The following TENM1 variants were observed in gnomAD, a reference collection of about 807,000 sequenced individuals.
The protein encoded by TENM1 is teneurin transmembrane protein 1, also known as teneurin-1.
In TENM1, 35 loss-of-function variants were observed where a neutral mutation model predicts 174.8. The ratio of observed to expected loss-of-function variants is 0.20; its 90% confidence interval spans 0.15 to 0.27. The LOEUF is 0.27. Among genes scored for constraint, TENM1 ranks in the 10% least tolerant of loss-of-function variants. The pLI is 1.00. For synonymous variants in TENM1, 781 were observed against 798.7 expected (o/e 0.98, Z 0.37); for missense variants, 1,633 against 2,130.1 (o/e 0.77, Z 4.59).
At chrX:125,178,891 G>A in the TENM1 span, among the ~76,000 whole-genome samples, 1 of 109,579 alleles carries the variant, frequency 9.1e-6, no homozygotes, top group African/African-American at 3.3e-5. Flanking sequence ...AGAATTGCTC[G>A]AACCCAGGTG....
At chrX:124,403,662 AC>A (rs975991487) in intron 27 of TENM1, among the ~76,000 whole-genome samples, 1 of 111,500 alleles carries the variant, frequency 9.0e-6, no homozygotes, top group African/African-American at 3.3e-5. Flanking sequence ...CCTTAAGGTT[AC>A]CAAATTTTTG....
At chrX:124,501,812 G>A (rs1240336667) in intron 19 of TENM1, among the ~76,000 whole-genome samples, 2 of 111,424 alleles carry the variant, frequency 1.8e-5, no homozygotes, top group African/African-American at 3.3e-5. Context: ...TTTAGACTTC[G>A]AAAACATCCC....
intron 1 of TENM1, among the ~76,000 whole-genome samples, chrX:124,926,361 T>C (rs980341108): frequency 1.8e-5 from 2 of 112,096 alleles, no homozygotes; most frequent in Non-Finnish European, 3.8e-5. Context: ...TGAAGATTTA[T>C]AAATAAAAGT....
At chrX:124,906,344 T>A (rs2057748563) in intron 1 of TENM1, among the ~76,000 whole-genome samples, 1 of 112,212 alleles carries the variant, frequency 8.9e-6, no homozygotes, top group South Asian at 3.7e-4. Flanking sequence ...TTAAGTTGAA[T>A]CATTATAAGT....
At chrX:124,481,314 C>T (rs2046836622) in intron 22 of TENM1, among the ~76,000 whole-genome samples, 1 of 110,933 alleles carries the variant, frequency 9.0e-6, no homozygotes, top group African/African-American at 3.3e-5. Context: ...GACCTTATCG[C>T]AAGCAATGCA....
intron 16 of TENM1, among the ~76,000 whole-genome samples, chrX:124,527,444 A>G (rs1313733838): frequency 9.0e-6 from 1 of 110,760 alleles, no homozygotes; most frequent in African/African-American, 3.3e-5. Context: ...TTTGCATTCA[A>G]CGGGGACTTT....
the TENM1 span, among the ~76,000 whole-genome samples, chrX:125,112,345 G>A: frequency 4.5e-5 from 5 of 110,057 alleles, no homozygotes; most frequent in Non-Finnish European, 9.5e-5. Context: ...TATTAATGTG[G>A]AAGAGACTTC....
At chrX:124,722,038 A>G (rs2053321728) in intron 4 of TENM1, among the ~76,000 whole-genome samples, 1 of 112,259 alleles carries the variant, frequency 8.9e-6, no homozygotes, top group African/African-American at 3.2e-5. Flanking sequence ...AACTACCCAC[A>G]TTACCATAAA....
At chrX:124,737,054 G>T (rs760926908) in exon 4 of TENM1, 2 of 1,211,472 alleles carry the variant, frequency 1.7e-6, no homozygotes, top group Non-Finnish European at 2.2e-6. Flanking sequence ...GCTGGGCTGG[G>T]CTGGCTGCGG....
intron 11 of TENM1, among the ~76,000 whole-genome samples, chrX:124,582,359 T>C (rs749527306): frequency 6.2e-5 from 7 of 112,241 alleles, no homozygotes; most frequent in African/African-American, 2.3e-4. Context: ...TCTTCCAATC[T>C]ATGAGCATGG....
At chrX:124,514,465 A>G (rs940324369) in intron 18 of TENM1, among the ~76,000 whole-genome samples, 11 of 111,375 alleles carry the variant, frequency 9.9e-5, no homozygotes, top group African/African-American at 3.6e-4. Flanking sequence ...TAGACTAATA[A>G]AGAAAAAAAG....
chrX:124,493,379 T>G (rs1264468700), intron 20 of TENM1, among the ~76,000 whole-genome samples: 1 of 111,745 alleles, frequency 8.9e-6, no homozygotes, highest in Non-Finnish European at 1.9e-5. Flanking sequence ...AGAAAAGGAC[T>G]AAATTTAGCT....
At chrX:124,777,768 A>G (rs191073202) in intron 3 of TENM1, among the ~76,000 whole-genome samples, 10 of 112,557 alleles carry the variant, frequency 8.9e-5, no homozygotes, top group African/African-American at 3.2e-4. Context: ...ATTTGCTCAC[A>G]CAAACATATA....
At chrX:124,988,410 T>C in the TENM1 span, among the ~76,000 whole-genome samples, 1 of 112,166 alleles carries the variant, frequency 8.9e-6, no homozygotes, top group African/African-American at 3.2e-5. Context: ...ATTAAAGACA[T>C]TGAATTTGTA....
At chrX:124,530,091 A>T (rs1454073595) in intron 15 of TENM1, 108 bp from the exon 19 acceptor site, 1 of 910,878 alleles carries the variant, frequency 1.1e-6, no homozygotes, top group Non-Finnish European at 1.5e-6. Context: ...GAAAACAATA[A>T]TTTCACCAAC....
At chrX:124,435,857 C>T (rs2060831194) in intron 23 of TENM1, among the ~76,000 whole-genome samples, 1 of 111,693 alleles carries the variant, frequency 9.0e-6, no homozygotes, top group Non-Finnish European at 1.9e-5. Flanking sequence ...TGACCACTTA[C>T]CATGTGTACA....
chrX:124,960,991 G>A (rs1052586007), intron 1 of TENM1, among the ~76,000 whole-genome samples: 2 of 111,799 alleles, frequency 1.8e-5, no homozygotes, highest in Non-Finnish European at 3.8e-5. Flanking sequence ...TACCAATTAC[G>A]TTAAGGGATG....
the TENM1 span, among the ~76,000 whole-genome samples, chrX:124,978,345 C>A: frequency 1.8e-5 from 2 of 111,706 alleles, no homozygotes; most frequent in Non-Finnish European, 3.8e-5. Flanking sequence ...AGACACTCAG[C>A]GACAGTTTAT....
intron 3 of TENM1, among the ~76,000 whole-genome samples, chrX:124,824,391 A>AT (rs950608467): frequency 3.6e-5 from 4 of 111,673 alleles, no homozygotes; most frequent in African/African-American, 1.3e-4. Flanking sequence ...CACTTTACAC[A>AT]TTTTCTTTAT....
Sources: allele counts gnomAD v4.1 joint callset (sites outside exome capture counted in the v4.1 genomes callset), GRCh38; gene constraint gnomAD v4.1.1; transcripts MANE v1.5; gene names NCBI Gene and HGNC (gene_info 2026-07-23, HGNC 2026-07-21).